Variants in LRRC4C observed in about 807,000 individuals in gnomAD.
The protein encoded by LRRC4C is leucine-rich repeat-containing protein 4C.
LRRC4C carries 5 observed loss-of-function variants against 33.6 expected under a neutral mutation model. That is an observed-to-expected ratio of 0.15 (90% CI 0.08 to 0.31). The LOEUF (loss-of-function observed/expected upper bound fraction) is 0.31, where lower values mean the gene tolerates loss of function less well. Among genes scored for constraint, LRRC4C ranks in the 10% least tolerant of loss-of-function variants. The pLI, the probability that LRRC4C is intolerant of heterozygous loss-of-function variation, is 1.00. For synonymous variants in LRRC4C, 329 were observed against 302.0 expected, an observed-to-expected ratio of 1.09 and a Z score of -0.93; for missense variants, 560 against 796.7, an observed-to-expected ratio of 0.70 and a Z score of 3.58.
intron 1 of LRRC4C, among the ~76,000 whole-genome samples, chr11:41,103,558 G>A (rs183812780): frequency 2.0e-5 from 3 of 151,968 alleles, no homozygotes; most frequent in East Asian, 1.9e-4. Flanking sequence ...AAATGAGTAC[G>A]ACAGACTTTC....
intron 1 of LRRC4C, among the ~76,000 whole-genome samples, chr11:41,075,320 TA>T (rs936131877): frequency 1.3e-5 from 2 of 152,142 alleles, no homozygotes; most frequent in East Asian, 1.9e-4. Context: ...AATTCCCAGA[TA>T]AAAAAATATT....
intron 3 of LRRC4C, among the ~76,000 whole-genome samples, chr11:40,495,350 C>T (rs950060131): frequency 7.2e-5 from 11 of 152,104 alleles, no homozygotes; most frequent in Non-Finnish European, 1.5e-4. Context: ...CAAATATCTT[C>T]CCTGCAGCGC....
chr11:40,177,554 G>A (rs913839588), intron 5 of LRRC4C, among the ~76,000 whole-genome samples: 6 of 152,026 alleles, frequency 3.9e-5, no homozygotes, highest in East Asian at 1.9e-4. Flanking sequence ...CTCTTTGCTT[G>A]GAAGCATCTT....
intron 3 of LRRC4C, among the ~76,000 whole-genome samples, chr11:40,507,158 G>GT: frequency 6.6e-6 from 1 of 151,974 alleles, no homozygotes; most frequent in Non-Finnish European, 1.5e-5. Flanking sequence ...AAAATTAAAT[G>GT]AGTCCACATA....
intron 2 of LRRC4C, among the ~76,000 whole-genome samples, chr11:40,929,102 G>A (rs1957506296): frequency 6.6e-6 from 1 of 152,110 alleles, no homozygotes. Flanking sequence ...ACAAATGGAA[G>A]AAGTCCAATT....
At chr11:40,941,196 A>AAAAT (rs1344524504) in intron 1 of LRRC4C, among the ~76,000 whole-genome samples, 1 of 152,116 alleles carries the variant, frequency 6.6e-6, no homozygotes, top group Non-Finnish European at 1.5e-5. Context: ...TGATCAAGAG[A>AAAAT]AAATAATGTT....
intron 6 of LRRC4C, among the ~76,000 whole-genome samples, chr11:40,121,317 A>G (rs1565012167): frequency 6.6e-6 from 1 of 152,218 alleles, no homozygotes; most frequent in Admixed American, 6.5e-5. Context: ...TAAATCAGTC[A>G]TAAGTAATAC....
chr11:40,578,892 C>T (rs566012646), intron 3 of LRRC4C, among the ~76,000 whole-genome samples: 4 of 152,160 alleles, frequency 2.6e-5, no homozygotes, highest in African/African-American at 9.6e-5. Flanking sequence ...AGAGCTTCGC[C>T]TGTGGTAGGC....
intron 1 of LRRC4C, among the ~76,000 whole-genome samples, chr11:41,388,636 A>G (rs1953458368): frequency 6.6e-6 from 1 of 151,826 alleles, no homozygotes; most frequent in South Asian, 2.1e-4. Flanking sequence ...TTGGTAAACT[A>G]GGGAAAACAT....
intron 1 of LRRC4C, among the ~76,000 whole-genome samples, chr11:40,956,387 C>T (rs1306144468): frequency 6.6e-6 from 1 of 151,706 alleles, no homozygotes; most frequent in Non-Finnish European, 1.5e-5. Flanking sequence ...CTGGTAGACA[C>T]TGTCTGTAAT....
At chr11:40,428,014 T>G (rs1328804163) in intron 3 of LRRC4C, among the ~76,000 whole-genome samples, 2 of 152,178 alleles carry the variant, frequency 1.3e-5, no homozygotes, top group Non-Finnish European at 2.9e-5. Context: ...ACTGAAATGT[T>G]TTATAAGGCA....
rs528748361 is a variant in LRRC4C, at chr11:41,256,479, C to T, written c.-496+202952G>A. On this transcript the variant is annotated intron_variant, in intron 1 of 6. Coordinates refer to ENST00000528697, the MANE Select transcript of LRRC4C (RefSeq NM_001258419.2). ...TGGCATCAAGACCCACCATGCTGCA[C>T]AATGCCCATCTGTGCAGTTGTACTG... Among the ~76,000 whole-genome samples the T allele has an allele frequency of 8.5e-5, 13 of 152,072 alleles. No individual in the cohort carries two copies. In the South Asian group the frequency reaches 2.1e-3, roughly 24 times the overall value.
At chr11:40,590,348 T>G (rs1471167735) in intron 3 of LRRC4C, among the ~76,000 whole-genome samples, 1 of 145,524 alleles carries the variant, frequency 6.9e-6, no homozygotes, top group Non-Finnish European at 1.5e-5. Context: ...TAAGCACTTC[T>G]ATGTATTGGT....
intron 6 of LRRC4C, among the ~76,000 whole-genome samples, chr11:40,129,416 C>T (rs189912683): frequency 6.6e-6 from 1 of 152,208 alleles, no homozygotes; most frequent in African/African-American, 2.4e-5. Context: ...TTCTTTTTCT[C>T]TGTCTATTAT....
chr11:41,024,708 CCT>C (rs1459769335), intron 1 of LRRC4C, among the ~76,000 whole-genome samples: 1 of 151,500 alleles, frequency 6.6e-6, no homozygotes, highest in African/African-American at 2.4e-5. Context: ...TAAACAGTTC[CCT>C]GTTTCGTCTA....
chr11:40,453,501 T>C (rs1468823834), intron 3 of LRRC4C, among the ~76,000 whole-genome samples: 2 of 151,758 alleles, frequency 1.3e-5, no homozygotes, highest in African/African-American at 4.8e-5. Context: ...TATGTATTAA[T>C]ACAATCCCAA....
At chr11:40,822,342 T>G (rs1951967124) in intron 2 of LRRC4C, among the ~76,000 whole-genome samples, 1 of 151,470 alleles carries the variant, frequency 6.6e-6, no homozygotes, top group South Asian at 2.1e-4. Flanking sequence ...ATTCTAGGTT[T>G]TTTTTTTTTT....
intron 4 of LRRC4C, among the ~76,000 whole-genome samples, chr11:40,262,533 G>A (rs563657197): frequency 6.6e-6 from 1 of 152,110 alleles, no homozygotes; most frequent in Admixed American, 6.5e-5. Flanking sequence ...ACGTGCCCAC[G>A]TATGTTTATT....
intron 1 of LRRC4C, among the ~76,000 whole-genome samples, chr11:41,439,500 A>T (rs1285433844): frequency 6.6e-6 from 1 of 152,164 alleles, no homozygotes; most frequent in Non-Finnish European, 1.5e-5. Context: ...CAATTTGTAT[A>T]AGCATTCCTT....
Sources: allele counts gnomAD v4.1 joint callset (sites outside exome capture counted in the v4.1 genomes callset), GRCh38; gene constraint gnomAD v4.1.1; transcripts MANE v1.5; gene names NCBI Gene and HGNC (gene_info 2026-07-23, HGNC 2026-07-21).